Variants in SCAF8 observed in about 807,000 individuals in gnomAD.
SCAF8 encodes SR-related CTD associated factor 8.
A neutral mutation model predicts 140.5 loss-of-function variants in SCAF8; 23 were observed. The observed-to-expected ratio is 0.16, with a 90% CI of 0.12 to 0.23. The LOEUF (loss-of-function observed/expected upper bound fraction) is 0.23, where lower values mean the gene tolerates loss of function less well. Ranked by LOEUF, SCAF8 falls within the 10% of genes least tolerant of loss-of-function variation. The pLI, the probability that SCAF8 is intolerant of heterozygous loss-of-function variation, is 1.00. For synonymous variants in SCAF8, 575 were observed against 528.9 expected, an observed-to-expected ratio of 1.09 and a Z score of -1.20; for missense variants, 1,397 against 1,555.7, an observed-to-expected ratio of 0.90 and a Z score of 1.72.
chr6:154,807,770 A>G (rs1437363921), intron 9 of SCAF8, among the ~76,000 whole-genome samples: 1 of 152,342 alleles, frequency 6.6e-6, no homozygotes, highest in South Asian at 2.1e-4. Context: ...TTTTCATGCT[A>G]TAATTTATTT....
At chr6:154,767,298 A>G (rs1419110320) in intron 1 of SCAF8, among the ~76,000 whole-genome samples, 1 of 152,056 alleles carries the variant, frequency 6.6e-6, no homozygotes, top group Non-Finnish European at 1.5e-5. Context: ...TGCACAAAAC[A>G]GTGGAGTTAG....
intron 19 of SCAF8, 115 bp downstream of exon 19, chr6:154,831,255 C>CTTT (rs376887698): frequency 6.4e-6 from 4 of 621,086 alleles, no homozygotes; most frequent in Non-Finnish European, 1.1e-5. Context: ...AAATGTCGCA[C>CTTT]TTTTTTTTTA....
rs775692163 is a variant in SCAF8 at position 154,792,863 on chromosome 6, A to G, written c.362A>G (p.Asn121Ser). Residue 121 changes from asparagine (N) to serine (S), a missense_variant, in exon 5 of 20, where the codon AAT becomes AGT. Coordinates refer to ENST00000367178, the MANE Select transcript of SCAF8 (RefSeq NM_014892.5). ...GTACTAAACTTATGGCAGAAGAATA[A>G]TGTATTTAAGAGTGAGATTATTCAG... Reference protein sequence around the residue: ...VRVLNLWQKNNVFKSEIIQPL... With the variant: ...VRVLNLWQKNSVFKSEIIQPL... The G allele has an allele frequency of 3.4e-5, 54 of 1,611,256 alleles. No homozygotes were observed. The highest frequency in any genetic ancestry group is 3.4e-4 in the Admixed American group (20 of 59,678).
intron 1 of SCAF8, 69 bp downstream of exon 1, chr6:154,733,999 C>CGGA: frequency 1.4e-6 from 2 of 1,444,650 alleles, no homozygotes; most frequent in Non-Finnish European, 1.8e-6. Context: ...GGCCGGGGCC[C>CGGA]GGAGGGTGGG....
intron 6 of SCAF8, among the ~76,000 whole-genome samples, chr6:154,797,881 C>A (rs927799295): frequency 6.6e-6 from 1 of 151,378 alleles, no homozygotes; most frequent in Non-Finnish European, 1.5e-5. Flanking sequence ...TGTAAGTATT[C>A]TCTTTGCTTG....
intron 12 of SCAF8, among the ~76,000 whole-genome samples, chr6:154,813,825 T>C (rs1046105058): frequency 6.6e-6 from 1 of 151,596 alleles, no homozygotes; most frequent in African/African-American, 2.4e-5. Flanking sequence ...GGAGAGAGAA[T>C]TTGGGAAATG....
At chr6:154,802,279 A>AT (rs1306688018) in intron 7 of SCAF8, 132 bp downstream of exon 7, 2 of 529,856 alleles carry the variant, frequency 3.8e-6, no homozygotes, top group Non-Finnish European at 5.8e-6. Flanking sequence ...GACAGTCTGA[A>AT]TTTTACAAAA....
chr6:154,764,545 C>G (rs2114829821), intron 1 of SCAF8, among the ~76,000 whole-genome samples: 2 of 152,214 alleles, frequency 1.3e-5, no homozygotes, highest in Middle Eastern at 6.8e-3. Flanking sequence ...TAGCAGGCAC[C>G]AGTAGCCCTA....
chr6:154,803,356 C>A (rs548215822), intron 7 of SCAF8, among the ~76,000 whole-genome samples, 188 bp from the exon 8 acceptor site: 4 of 151,938 alleles, frequency 2.6e-5, no homozygotes, highest in Non-Finnish European at 5.9e-5. Context: ...TAAGATAATA[C>A]ATATCAAAAT....
chr6:154,819,775 G>T (rs1351867989), intron 14 of SCAF8, among the ~76,000 whole-genome samples: 1 of 152,110 alleles, frequency 6.6e-6, no homozygotes, highest in African/African-American at 2.4e-5. Context: ...AACTGGTGAG[G>T]CACAGTGGCT....
In SCAF8 at chr6:154,818,741, A is replaced by G. The variant is rs183521700; in HGVS notation, c.1635+149A>G. On this transcript the variant is annotated intron_variant, in intron 14 of 19. Transcript: ENST00000367178. ...CTGTATTATATTCTTTTTAAATGTT[A>G]TGGACAAACCTCATCAGAAACTTAT... is the stretch of plus-strand genomic sequence containing the variant. The G allele has an allele frequency of 6.4e-5, 26 of 405,656 alleles. No individual in the cohort carries two copies. The East Asian group carries it at 8.7e-4, about 14-fold the overall frequency. The allele number at this position is 405,656 out of a possible 1,614,324, so 25.1% of individuals were successfully genotyped here. A position where few individuals can be genotyped will look rare whatever the true frequency, so the allele number is the denominator to read the frequency against.
In SCAF8 at chr6:154,733,703, C is replaced by G; in HGVS notation, c.-198C>G. 7.6e-7 allele frequency: 1 copy of G among 1,313,836 alleles called. No homozygotes were observed. The highest frequency in any genetic ancestry group is 3.2e-5 in the East Asian group (1 of 31,740). The allele number at this position is 1,313,836 out of a possible 1,614,324, so 81.4% of individuals were successfully genotyped here. A position where few individuals can be genotyped will look rare whatever the true frequency, so the allele number is the denominator to read the frequency against. ...CGCTCCCCCCGCCCTAGCGGCCATG[C>G]CGGTGCCGCTCTGCCGCTGAGGGAG... On this transcript the variant is annotated 5_prime_UTR_variant, in exon 1 of 20. Transcript: ENST00000367178.
chr6:154,786,715 G>A (rs1475189281), intron 3 of SCAF8, among the ~76,000 whole-genome samples: 2 of 152,122 alleles, frequency 1.3e-5, no homozygotes, highest in South Asian at 2.1e-4. Context: ...TTGCAAAGGC[G>A]GTTTCAATTA....
chr6:154,788,140 A>T, intron 4 of SCAF8, 118 bp downstream of exon 4: 2 of 838,082 alleles, frequency 2.4e-6, no homozygotes, highest in Non-Finnish European at 3.7e-6. Context: ...TGTTTCAATG[A>T]CAGACCGCAT....
intron 3 of SCAF8, among the ~76,000 whole-genome samples, chr6:154,784,145 A>G (rs1329294773): frequency 1.1e-4 from 9 of 79,024 alleles, no homozygotes; most frequent in African/African-American, 5.4e-4. Context: ...ATATATATAT[A>G]TATATATATA....
At chr6:154,817,414 C>T (rs1041767376) in intron 13 of SCAF8, among the ~76,000 whole-genome samples, 1 of 152,168 alleles carries the variant, frequency 6.6e-6, no homozygotes, top group East Asian at 1.9e-4. Context: ...GAGCATAGTA[C>T]TTATAAATAA....
chr6:154,750,215 G>A (rs1326836204), intron 1 of SCAF8, among the ~76,000 whole-genome samples: 1 of 152,102 alleles, frequency 6.6e-6, no homozygotes, highest in Non-Finnish European at 1.5e-5. Context: ...ACCACCCAAA[G>A]ACTGTTATGG....
Position 154,810,085 on chromosome 6 carries a change from T to A in SCAF8, c.1297T>A (p.Ser433Thr). ...GCGTAAACACAGAAAGCGATCACGC[T>A]CCCGCTCAAGAGAAAGAAAGAGGAA... Reference protein sequence around the residue: ...RKRKHRKRSRSRSRERKRKSS... With the variant: ...RKRKHRKRSRTRSRERKRKSS... Residue 433 changes from serine to threonine, a missense_variant, in exon 12 of 20, where the codon TCC becomes ACC. Ser to Thr is a moderately conservative substitution (Grantham distance 58). Transcript: ENST00000367178. 6.2e-7 allele frequency: 1 copy of A among 1,613,616 alleles called. No homozygotes were observed. Among genetic ancestry groups the A allele is most frequent in the Non-Finnish European group, 8.5e-7 (1 of 1,179,902 alleles).
At chr6:154,807,119 A>T (rs1777940192) in intron 9 of SCAF8, among the ~76,000 whole-genome samples, 1 of 152,156 alleles carries the variant, frequency 6.6e-6, no homozygotes, top group African/African-American at 2.4e-5. Context: ...TATGTTTTTA[A>T]TGGTCTCTCT....
Sources: gnomAD v4.1 joint callset for allele counts (sites outside exome capture counted in the v4.1 genomes callset) on GRCh38, gnomAD v4.1.1 for gene constraint, MANE v1.5 for transcripts, NCBI Gene and HGNC (gene_info 2026-07-23, HGNC 2026-07-21) for gene names.